Variants in TMPRSS11D observed in about 807,000 individuals in gnomAD.
TMPRSS11D encodes transmembrane serine protease 11D.
TMPRSS11D carries 32 observed loss-of-function variants against 44.4 expected under a neutral mutation model. The ratio of observed to expected loss-of-function variants is 0.72; its 90% CI spans 0.54 to 0.97. The LOEUF (loss-of-function observed/expected upper bound fraction) is 0.97. Among genes scored for constraint, TMPRSS11D ranks in the 50% least tolerant of loss-of-function variants. TMPRSS11D has a pLI of 0.00. For missense variants in TMPRSS11D, 446 were observed against 502.6 expected (o/e 0.89, Z 1.08); for synonymous variants, 179 against 177.9 (o/e 1.01, Z -0.05).
At chr4:67,831,328 C>A (rs1293577832) in intron 7 of TMPRSS11D, among the ~76,000 whole-genome samples, 1 of 152,122 alleles carries the variant, frequency 6.6e-6, no homozygotes, top group Non-Finnish European at 1.5e-5. Context: ...CAAATCCTCA[C>A]TGATGGTTCT....
At chr4:67,841,843 GAATT>G (rs1298463798) in intron 4 of TMPRSS11D, among the ~76,000 whole-genome samples, 5 of 152,134 alleles carry the variant, frequency 3.3e-5, no homozygotes, top group Admixed American at 3.3e-4. Context: ...CAGAGAACAA[GAATT>G]AATTTTCTTG....
At chr4:67,877,683 C>T (rs905535081) in intron 1 of TMPRSS11D, among the ~76,000 whole-genome samples, 4 of 152,186 alleles carry the variant, frequency 2.6e-5, no homozygotes, top group Non-Finnish European at 2.9e-5. Context: ...CCAAGTTACT[C>T]ATGTGAAAAA....
intron 9 of TMPRSS11D, 118 bp from the exon 10 acceptor site, chr4:67,822,616 C>G (rs1373186692): frequency 3.5e-6 from 4 of 1,143,620 alleles, no homozygotes; most frequent in Non-Finnish European, 4.9e-6. Flanking sequence ...TAAAGTCAGC[C>G]TATTTCCTTT....
chr4:67,877,811 A>T (rs1719230123), intron 1 of TMPRSS11D, among the ~76,000 whole-genome samples: 1 of 152,146 alleles, frequency 6.6e-6, no homozygotes, highest in South Asian at 2.1e-4. Flanking sequence ...CACTTTATCC[A>T]AGCCACGTTT....
chr4:67,861,328 C>A (rs1232837443), intron 1 of TMPRSS11D, among the ~76,000 whole-genome samples: 1 of 152,070 alleles, frequency 6.6e-6, no homozygotes, highest in African/African-American at 2.4e-5. Context: ...CATTTGTTAC[C>A]TCATGGGGTT....
intron 1 of TMPRSS11D, among the ~76,000 whole-genome samples, chr4:67,878,904 G>T (rs1204252904): frequency 6.6e-6 from 1 of 151,924 alleles, no homozygotes; most frequent in Non-Finnish European, 1.5e-5. Flanking sequence ...CCAGCCTTGG[G>T]GAGAGAGGGA....
intron 3 of TMPRSS11D, among the ~76,000 whole-genome samples, chr4:67,852,147 G>T (rs1439807728): frequency 6.6e-6 from 1 of 152,204 alleles, no homozygotes; most frequent in Non-Finnish European, 1.5e-5. Flanking sequence ...GAGCACCCCA[G>T]AGACACTCCC....
intron 4 of TMPRSS11D, among the ~76,000 whole-genome samples, chr4:67,840,439 C>A (rs1440624951): frequency 6.6e-6 from 1 of 151,900 alleles, no homozygotes; most frequent in Non-Finnish European, 1.5e-5. Context: ...CCAAACCATA[C>A]CAAGGTGGAA....
chr4:67,833,676 T>C, intron 6 of TMPRSS11D: 1 of 225,102 alleles, frequency 4.4e-6, no homozygotes. Flanking sequence ...AGATAGGTCA[T>C]TATTGGATGT....
At chr4:67,860,389 T>G (rs1718767938) in intron 1 of TMPRSS11D, 1 of 152,106 alleles carries the variant, frequency 6.6e-6, no homozygotes, top group Non-Finnish European at 1.5e-5. Context: ...AGTTTTACCC[T>G]TTGTTTGCTT....
chr4:67,859,661 G>A lies in TMPRSS11D; in HGVS notation c.26C>T (p.Ser9Leu), dbSNP rs763489466. The change falls in exon 2 of 10, where the codon TCG (serine) becomes TTG (leucine). Residue 9 changes from serine (S) to leucine (L), a missense_variant. Coordinates refer to ENST00000283916, the MANE Select transcript of TMPRSS11D (RefSeq NM_004262.3). MYRPARVT[S>L]TSRFLNPYVV... The stretch of plus-strand genomic sequence containing the variant: ...ATATGGATTCAGAAATCTTGAAGTC[G>A]AAGTTACACGTGCTGGCCTTACAAG... 25 of 1,612,710 alleles carry A rather than the reference G, an allele frequency of 1.6e-5. No homozygotes were observed. The highest frequency in any genetic ancestry group is 8.9e-5 in the East Asian group (4 of 44,856).
At chr4:67,862,033 T>C (rs990829227) in intron 1 of TMPRSS11D, among the ~76,000 whole-genome samples, 1 of 152,168 alleles carries the variant, frequency 6.6e-6, no homozygotes, top group African/African-American at 2.4e-5. Context: ...AGGGTCTTGG[T>C]CAGTTAGATT....
chr4:67,875,961 A>T (rs1015571202), intron 1 of TMPRSS11D, among the ~76,000 whole-genome samples: 3 of 152,206 alleles, frequency 2.0e-5, no homozygotes, highest in African/African-American at 7.2e-5. Context: ...GGCTCTGTCT[A>T]CCTTGTGAAT....
intron 4 of TMPRSS11D, among the ~76,000 whole-genome samples, 187 bp from the exon 5 acceptor site, chr4:67,838,516 A>G (rs1718156774): frequency 6.6e-6 from 1 of 152,100 alleles, no homozygotes; most frequent in African/African-American, 2.4e-5. Context: ...ATTTGATTTC[A>G]ATGCACAGAA....
chr4:67,833,185 T>C lies in TMPRSS11D; in HGVS notation c.692+19A>G. The C allele has an allele frequency of 7.0e-7, 1 of 1,427,176 alleles. No individual in the cohort carries two copies. The highest frequency in any genetic ancestry group is 9.2e-7 in the Non-Finnish European group (1 of 1,082,414). 88.4% of individuals were successfully genotyped at this position (1,427,176 alleles called of 1,614,324 possible). On this transcript the variant is annotated intron_variant, in intron 7 of 9. Coordinates refer to ENST00000283916, the MANE Select transcript of TMPRSS11D (RefSeq NM_004262.3). ...TCTATTCTAATTGTTCCCAGATGGG[T>C]AGGTAGTGGTGGCCTCACCTTCTGA...
chr4:67,861,237 A>G (rs1391459505), intron 1 of TMPRSS11D, among the ~76,000 whole-genome samples: 1 of 152,174 alleles, frequency 6.6e-6, no homozygotes, highest in East Asian at 1.9e-4. Context: ...TCCAGTGTTC[A>G]ACAACCACTA....
At position 67,822,203 on chromosome 4, in the gene TMPRSS11D, G is replaced by A; in HGVS notation, c.*134C>T. 9.6e-7 allele frequency: 1 copy of A among 1,039,998 alleles called. No individual in the cohort carries two copies. The highest frequency in any genetic ancestry group is 1.4e-6 in the Non-Finnish European group (1 of 711,694). The allele number at this position is 1,039,998 out of a possible 1,614,324, so 64.4% of individuals were successfully genotyped here. ...AATAAAGAAAGGTTAAACAGTGTTT[G>A]TTAAACCATATTTATGTAACAAGAT... On this transcript the variant is annotated 3_prime_UTR_variant, in exon 10 of 10. Coordinates refer to ENST00000283916, the MANE Select transcript of TMPRSS11D (RefSeq NM_004262.3).
intron 2 of TMPRSS11D, among the ~76,000 whole-genome samples, chr4:67,857,024 C>T (rs1187833518): frequency 6.6e-6 from 1 of 151,980 alleles, no homozygotes; most frequent in African/African-American, 2.4e-5. Flanking sequence ...AATTCTTATA[C>T]ACTGTTGGTG....
intron 1 of TMPRSS11D, among the ~76,000 whole-genome samples, chr4:67,878,024 G>A (rs1560551777): frequency 6.6e-6 from 1 of 151,990 alleles, no homozygotes; most frequent in African/African-American, 2.4e-5. Context: ...ATGAAAACGG[G>A]GTAATTTATA....
Sources: allele counts gnomAD v4.1 joint callset (sites outside exome capture counted in the v4.1 genomes callset), GRCh38; gene constraint gnomAD v4.1.1; transcripts MANE v1.5; gene names NCBI Gene and HGNC (gene_info 2026-07-23, HGNC 2026-07-21).